CCDC7: variants seen among roughly 807,000 people sequenced by gnomAD.
The protein encoded by CCDC7 is coiled-coil domain-containing protein 7.
Under a neutral mutation model 196.9 loss-of-function variants are expected in CCDC7, and 183 were observed. The observed-to-expected ratio is 0.93, with a 90% CI of 0.82 to 1.05. The LOEUF (loss-of-function observed/expected upper bound fraction) is 1.05. CCDC7 is among the 50% of genes least tolerant of loss of function. The pLI is 0.00. For missense variants in CCDC7, 1,540 were observed against 1,482.2 expected (o/e 1.04, Z -0.64); for synonymous variants, 525 against 484.6 (o/e 1.08, Z -1.10).
intron 5 of CCDC7, among the ~76,000 whole-genome samples, chr10:32,466,935 A>AT (rs969832078): frequency 1.3e-5 from 2 of 151,932 alleles, no homozygotes; most frequent in African/African-American, 4.8e-5. Flanking sequence ...AGCATCTTTT[A>AT]TTTTTTGTTT....
chr10:32,487,124 T>G (rs530985011), intron 8 of CCDC7, among the ~76,000 whole-genome samples: 16 of 152,140 alleles, frequency 1.1e-4, no homozygotes, highest in Admixed American at 5.2e-4. Flanking sequence ...CACTTTCAGG[T>G]ACACTAATCA....
At chr10:32,729,542 C>T (rs1203932974) in intron 28 of CCDC7, 85 bp downstream of exon 29, 4 of 582,376 alleles carry the variant, frequency 6.9e-6, no homozygotes, top group Non-Finnish European at 1.1e-5. Context: ...TGCCTTCAAC[C>T]ATATGCTTCT....
chr10:32,484,456 A>G (rs2040595362), intron 8 of CCDC7, among the ~76,000 whole-genome samples: 1 of 152,188 alleles, frequency 6.6e-6, no homozygotes, highest in Admixed American at 6.5e-5. Flanking sequence ...GGACAATTTG[A>G]CTGCCTCTTT....
chr10:32,499,447 A>G (rs1417416671), intron 9 of CCDC7: 1 of 152,114 alleles, frequency 6.6e-6, no homozygotes, highest in African/African-American at 2.4e-5. Flanking sequence ...TAAATCTCCT[A>G]TCATTGTTTG....
chr10:32,734,203 C>G (rs1271735259), intron 28 of CCDC7, among the ~76,000 whole-genome samples: 4 of 152,116 alleles, frequency 2.6e-5, no homozygotes, highest in East Asian at 1.9e-4. Flanking sequence ...GACAAATTAT[C>G]TGTATAAAGA....
intron 31 of CCDC7, among the ~76,000 whole-genome samples, chr10:32,819,864 G>A (rs1461397454): frequency 6.6e-6 from 1 of 152,172 alleles, no homozygotes; most frequent in Non-Finnish European, 1.5e-5. Context: ...ATATCATACT[G>A]AATGGGCAAA....
At chr10:32,788,577 C>A (rs2082213762) in intron 29 of CCDC7, among the ~76,000 whole-genome samples, 1 of 152,182 alleles carries the variant, frequency 6.6e-6, no homozygotes, top group South Asian at 2.1e-4. Context: ...CACTGTCAGG[C>A]TGGCTCTCAC....
At chr10:32,454,585 A>T (rs2033892240) in intron 2 of CCDC7, among the ~76,000 whole-genome samples, 1 of 151,990 alleles carries the variant, frequency 6.6e-6, no homozygotes, top group African/African-American at 2.4e-5. Flanking sequence ...GTTAAAAAAA[A>T]AACCACCAAA....
intron 8 of CCDC7, among the ~76,000 whole-genome samples, chr10:32,486,201 T>G (rs1340482442): frequency 1.3e-5 from 2 of 152,172 alleles, no homozygotes; most frequent in Non-Finnish European, 2.9e-5. Flanking sequence ...TACATATATA[T>G]TTAGGTTAGT....
At chr10:32,664,499 C>T (rs2140467612) in intron 21 of CCDC7, among the ~76,000 whole-genome samples, 1 of 152,066 alleles carries the variant, frequency 6.6e-6, no homozygotes, top group Non-Finnish European at 1.5e-5. Flanking sequence ...TTGCTTCAGT[C>T]CTCCCACCAT....
At chr10:32,845,794 C>CAT in intron 35 of CCDC7, 82 bp from the exon 37 acceptor site, 1 of 1,144,766 alleles carries the variant, frequency 8.7e-7, no homozygotes. Context: ...CACACACACA[C>CAT]ATACACACAC....
Position 32,685,912 on chromosome 10 carries a change from A to C in CCDC7, c.2123-58A>C, listed in dbSNP as rs528938992. ...ATGTTTTATAAATTTGAAACACAGA[A>C]ATTTCACAAAAGATCCATTTTTCTA... On this transcript the variant is annotated intron_variant, in intron 21 of 41. Transcript: ENST00000639629. 3.9e-5 allele frequency: 39 copies of C among 1,006,256 alleles called. No homozygotes were observed. The African/African-American group carries it at 5.0e-4, about 13-fold the overall frequency. The allele number at this position is 1,006,256 out of a possible 1,614,324, so 62.3% of individuals were successfully genotyped here. A position where few individuals can be genotyped will look rare whatever the true frequency, so the allele number is the denominator to read the frequency against.
chr10:32,653,026 A>G (rs1209609379), intron 20 of CCDC7, among the ~76,000 whole-genome samples: 1 of 152,208 alleles, frequency 6.6e-6, no homozygotes, highest in East Asian at 1.9e-4. Context: ...TTGTCTAGGA[A>G]AGTCGTTATC....
chr10:32,843,742 T>C (rs1170124535), intron 33 of CCDC7, among the ~76,000 whole-genome samples: 1 of 152,014 alleles, frequency 6.6e-6, no homozygotes, highest in Admixed American at 6.6e-5. Flanking sequence ...AAATGAACCA[T>C]TCCTTCTTAT....
chr10:32,583,290 C>G (rs1397169789), exon 17 of CCDC7: 1 of 1,230,814 alleles, frequency 8.1e-7, no homozygotes, highest in Admixed American at 4.2e-5. Context: ...ACCTCCTGTT[C>G]TTACAGAAAG....
intron 25 of CCDC7, among the ~76,000 whole-genome samples, chr10:32,721,801 G>A (rs1421831022): frequency 4.6e-5 from 7 of 152,040 alleles, no homozygotes; most frequent in Non-Finnish European, 8.8e-5. Flanking sequence ...GGTAGTGTCT[G>A]GACCCACCAG....
At chr10:32,854,542 C>CT (rs1565720369) in intron 41 of CCDC7, 53 bp downstream of exon 42, 2 of 1,136,640 alleles carry the variant, frequency 1.8e-6, no homozygotes, top group African/African-American at 1.6e-5. Context: ...ATGCTATATT[C>CT]TCATCGTCTC....
At chr10:32,567,520 A>C in intron 14 of CCDC7, 150 bp from the exon 16 acceptor site, 2 of 830,858 alleles carry the variant, frequency 2.4e-6, no homozygotes, top group Non-Finnish European at 3.5e-6. Flanking sequence ...AGTATCAATT[A>C]TAGCAATAGC....
chr10:32,779,032 G>A, exon 29 of CCDC7: 3 of 1,550,228 alleles, frequency 1.9e-6, no homozygotes, highest in South Asian at 1.2e-5. Flanking sequence ...TTCCAGCAAT[G>A]TACCCGTCAA....
Sources: allele counts gnomAD v4.1 joint callset (sites outside exome capture counted in the v4.1 genomes callset), GRCh38; gene constraint gnomAD v4.1.1; transcripts MANE v1.5; gene names NCBI Gene and HGNC (gene_info 2026-07-23, HGNC 2026-07-21).